Variants in ARHGEF3 observed in about 807,000 individuals in gnomAD.
ARHGEF3 encodes the protein 59.8 kDA protein.
ARHGEF3 carries 28 observed loss-of-function variants against 63.2 expected under a neutral mutation model. The observed-to-expected ratio is 0.44, with a 90% CI of 0.33 to 0.61. The LOEUF is 0.61. Ranked by LOEUF, ARHGEF3 falls within the 20% of genes least tolerant of loss-of-function variation. ARHGEF3 has a pLI of 0.03. For synonymous variants in ARHGEF3, 266 were observed against 254.2 expected (o/e 1.05, Z -0.44); for missense variants, 533 against 659.3 (o/e 0.81, Z 2.10).
chr3:56,787,272 G>C (rs763291655), intron 1 of ARHGEF3, among the ~76,000 whole-genome samples: 1 of 152,136 alleles, frequency 6.6e-6, no homozygotes, highest in Non-Finnish European at 1.5e-5. Context: ...GGGCGCCCCT[G>C]AGTTTGCAAA....
chr3:57,053,004 A>C (rs950012523), intron 1 of ARHGEF3, among the ~76,000 whole-genome samples: 2 of 152,212 alleles, frequency 1.3e-5, no homozygotes, highest in East Asian at 3.9e-4. Flanking sequence ...CCAGGCAAAC[A>C]GAAGCAGATT....
chr3:56,811,816 T>C (rs1354130368), intron 4 of ARHGEF3, among the ~76,000 whole-genome samples: 4 of 152,228 alleles, frequency 2.6e-5, no homozygotes, highest in Non-Finnish European at 5.9e-5. Context: ...AACTCTAGCA[T>C]TAATAAGTAC....
chr3:56,735,437 T>TG (rs1292930111), intron 8 of ARHGEF3, among the ~76,000 whole-genome samples: 1 of 151,640 alleles, frequency 6.6e-6, no homozygotes, highest in African/African-American at 2.4e-5. Flanking sequence ...CTCTACCGGG[T>TG]GAAAAAAAAA....
intron 3 of ARHGEF3, among the ~76,000 whole-genome samples, chr3:56,953,813 G>GAAACAAACCA (rs1291721375): frequency 8.5e-5 from 13 of 152,264 alleles, no homozygotes; most frequent in African/African-American, 2.6e-4. Context: ...TCTGCAGTAG[G>GAAACAAACCA]AGAAGACAAA....
chr3:56,946,376 T>C (rs1306080709), intron 3 of ARHGEF3, among the ~76,000 whole-genome samples: 3 of 152,018 alleles, frequency 2.0e-5, no homozygotes, highest in Non-Finnish European at 4.4e-5. Flanking sequence ...GTTAAAAACC[T>C]TGAAAAAAAA....
chr3:56,738,618 T>C (rs1400388199), intron 7 of ARHGEF3, among the ~76,000 whole-genome samples: 3 of 152,224 alleles, frequency 2.0e-5, no homozygotes, highest in Non-Finnish European at 1.5e-5. Flanking sequence ...TGACTAAGTT[T>C]GGGCAGAAGA....
chr3:56,906,665 G>A (rs1379220004), intron 3 of ARHGEF3, among the ~76,000 whole-genome samples: 1 of 151,910 alleles, frequency 6.6e-6, no homozygotes, highest in South Asian at 2.1e-4. Context: ...GTGAAACTTC[G>A]TTTCTACTAA....
At chr3:57,041,307 G>T (rs1704177688) in intron 1 of ARHGEF3, among the ~76,000 whole-genome samples, 1 of 152,126 alleles carries the variant, frequency 6.6e-6, no homozygotes. Flanking sequence ...TATGAAGCGG[G>T]CACTATCACA....
intron 4 of ARHGEF3, among the ~76,000 whole-genome samples, chr3:56,859,953 G>A (rs943151091): frequency 6.6e-6 from 1 of 151,366 alleles, no homozygotes; most frequent in Non-Finnish European, 1.5e-5. Flanking sequence ...CTGAGCTCAG[G>A]AGTTCCAGAC....
rs142916212 is a variant in ARHGEF3 at position 56,915,536 on chromosome 3, A to C, written c.130-33182T>G. Among the ~76,000 whole-genome samples, 30 of 152,280 alleles carry C rather than the reference A, an allele frequency of 2.0e-4. No individual in the cohort carries two copies. The East Asian group carries it at 5.8e-3, about 29-fold the overall frequency. ...CCAAAACTTTAACAACTACCTCTAC[A>C]AAAAACAAATAAATAAAAGGGATAG... On this transcript the variant is annotated intron_variant, in intron 3 of 12. Coordinates refer to the ARHGEF3 transcript ENST00000338458.
intron 2 of ARHGEF3, among the ~76,000 whole-genome samples, chr3:56,964,313 A>T (rs1700400301): frequency 1.3e-5 from 2 of 148,410 alleles, no homozygotes; most frequent in African/African-American, 5.0e-5. Context: ...AGATCGTGCC[A>T]CTGCACTCCA....
At chr3:56,999,467 TCCAAATATAA>T (rs1372348639) in intron 2 of ARHGEF3, among the ~76,000 whole-genome samples, 2 of 152,198 alleles carry the variant, frequency 1.3e-5, no homozygotes, top group Non-Finnish European at 2.9e-5. Context: ...CTGTCTTAAT[TCCAAATATAA>T]CCTTCGTGAA....
chr3:57,013,148 C>T (rs371760108), intron 2 of ARHGEF3, among the ~76,000 whole-genome samples: 4 of 152,224 alleles, frequency 2.6e-5, no homozygotes, highest in East Asian at 1.9e-4. Context: ...CTGAGCCCCC[C>T]GCCCTGGCGG....
chr3:57,069,629 T>C (rs1054667337), intron 1 of ARHGEF3, among the ~76,000 whole-genome samples: 11 of 139,472 alleles, frequency 7.9e-5, no homozygotes, highest in Non-Finnish European at 1.7e-4. Flanking sequence ...CATAAGTACA[T>C]GTCAGGGTGT....
At chr3:56,986,959 C>A (rs1701566995) in intron 2 of ARHGEF3, among the ~76,000 whole-genome samples, 1 of 152,118 alleles carries the variant, frequency 6.6e-6, no homozygotes, top group Admixed American at 6.5e-5. Context: ...TGCCTGTAAT[C>A]CCAACACCTT....
upstream of ARHGEF3, among the ~76,000 whole-genome samples, chr3:56,806,890 CT>C (rs200241279): frequency 8.8e-3 from 1,277 of 145,252 alleles, 16 homozygotes; most frequent in African/African-American, 0.027. Context: ...TAGCGAGTTC[CT>C]TTTTTTTTTT....
At chr3:57,078,878 T>G (rs926507521) in intron 1 of ARHGEF3, 3 of 210,668 alleles carry the variant, frequency 1.4e-5, no homozygotes, top group African/African-American at 2.3e-5. Flanking sequence ...GCTCCGGGAA[T>G]TTTCGCTCAA....
upstream of ARHGEF3, among the ~76,000 whole-genome samples, chr3:56,803,667 G>A (rs1453469596): frequency 6.6e-6 from 1 of 151,952 alleles, no homozygotes; most frequent in Non-Finnish European, 1.5e-5. Context: ...GCCAGGTATG[G>A]TAGTGCATGC....
In ARHGEF3 at chr3:56,992,396, A is replaced by AC. The variant is rs1560113664; in HGVS notation, c.63-33508_63-33507insG. On this transcript the variant is annotated intron_variant, in intron 2 of 12. Coordinates refer to the ARHGEF3 transcript ENST00000338458. ...GCTTTAAAAAAAAAAAAAAAAAAAA[A>AC]AAAAAAAAAAAAAAAAAACAGAAAG... Among the ~76,000 whole-genome samples the AC allele has an allele frequency of 6.3e-5, 8 of 126,784 alleles. 1 individual carries two copies. Among genetic ancestry groups the AC allele is most frequent in the Non-Finnish European group, 1.3e-4 (8 of 62,726 alleles). 83.2% of individuals were successfully genotyped at this position (126,784 alleles called of 152,430 possible). A position where few individuals can be genotyped will look rare whatever the true frequency, so the allele number is the denominator to read the frequency against.
Sources: allele counts gnomAD v4.1 joint callset (sites outside exome capture counted in the v4.1 genomes callset), GRCh38; gene constraint gnomAD v4.1.1; transcripts MANE v1.5; gene names NCBI Gene and HGNC (gene_info 2026-07-23, HGNC 2026-07-21).